ANKS1B: variants seen among roughly 807,000 people sequenced by gnomAD.
ANKS1B encodes ankyrin repeat and sterile alpha motif domain-containing protein 1B.
In ANKS1B, 36 loss-of-function variants were observed where a neutral mutation model predicts 148.3. That is an observed-to-expected ratio of 0.24 (90% CI 0.19 to 0.32). ANKS1B has a LOEUF of 0.32. Among genes scored for constraint, ANKS1B ranks in the 10% least tolerant of loss-of-function variants. ANKS1B has a pLI of 1.00. For missense variants in ANKS1B, 1,157 were observed against 1,542.6 expected (o/e 0.75, Z 4.19); for synonymous variants, 542 against 560.8 (o/e 0.97, Z 0.47).
At chr12:98,817,418 GCTT>G (rs1373089166) in intron 19 of ANKS1B, among the ~76,000 whole-genome samples, 1 of 152,218 alleles carries the variant, frequency 6.6e-6, no homozygotes, top group Non-Finnish European at 1.5e-5. Flanking sequence ...CCCCACAGTT[GCTT>G]CTTCTGTGGG....
At chr12:99,648,753 C>T (rs777258567) in intron 9 of ANKS1B, 2 of 1,613,504 alleles carry the variant, frequency 1.2e-6, no homozygotes, top group East Asian at 4.5e-5. Flanking sequence ...ACACATTGGA[C>T]TCATCTGTGT....
At chr12:99,374,949 A>T (rs1006555066) in intron 12 of ANKS1B, among the ~76,000 whole-genome samples, 1 of 152,198 alleles carries the variant, frequency 6.6e-6, no homozygotes, top group African/African-American at 2.4e-5. Flanking sequence ...TTGAATTTTT[A>T]AAAGTAAATT....
chr12:99,498,459 T>C (rs1040104023), intron 10 of ANKS1B, among the ~76,000 whole-genome samples: 1 of 152,154 alleles, frequency 6.6e-6, no homozygotes, highest in Admixed American at 6.5e-5. Context: ...ACCTTATTCA[T>C]CTATCTAACT....
chr12:98,798,022 C>G (rs1048797198), intron 22 of ANKS1B, among the ~76,000 whole-genome samples: 3 of 151,788 alleles, frequency 2.0e-5, no homozygotes, highest in Admixed American at 2.0e-4. Flanking sequence ...GGGACACGTA[C>G]AAAAGGAAAA....
At chr12:99,271,490 A>G (rs975018873) in intron 12 of ANKS1B, among the ~76,000 whole-genome samples, 1 of 151,832 alleles carries the variant, frequency 6.6e-6, no homozygotes, top group Non-Finnish European at 1.5e-5. Context: ...TTTTCTTTAC[A>G]TTAGTATCCC....
intron 14 of ANKS1B, among the ~76,000 whole-genome samples, chr12:99,165,823 G>A (rs1478331273): frequency 6.6e-6 from 1 of 151,852 alleles, no homozygotes; most frequent in Non-Finnish European, 1.5e-5. Flanking sequence ...AAGACATTAT[G>A]AGAAAAGAAA....
chr12:98,794,113 C>T (rs1225964817), intron 22 of ANKS1B, among the ~76,000 whole-genome samples: 1 of 152,106 alleles, frequency 6.6e-6, no homozygotes, highest in East Asian at 1.9e-4. Flanking sequence ...AATTCTTGGC[C>T]AGGCGCGGTG....
chr12:99,101,457 A>G (rs1184546952), intron 15 of ANKS1B, among the ~76,000 whole-genome samples: 3 of 152,234 alleles, frequency 2.0e-5, no homozygotes, highest in Non-Finnish European at 4.4e-5. Context: ...TTGGTAGAAG[A>G]CAAGTGTTAA....
chr12:99,217,101 G>A (rs1382283630), intron 14 of ANKS1B, among the ~76,000 whole-genome samples: 2 of 152,158 alleles, frequency 1.3e-5, no homozygotes, highest in Admixed American at 6.5e-5. Context: ...TTGGACCAAT[G>A]ACTCAGACTT....
chr12:99,704,895 A>G (rs1388908787), intron 8 of ANKS1B, among the ~76,000 whole-genome samples: 1 of 152,092 alleles, frequency 6.6e-6, no homozygotes, highest in East Asian at 1.9e-4. Context: ...AATGATAGAA[A>G]TATATTTGTA....
At chr12:99,179,112 G>GTGTGACT (rs2078778562) in intron 14 of ANKS1B, among the ~76,000 whole-genome samples, 1 of 152,136 alleles carries the variant, frequency 6.6e-6, no homozygotes, top group East Asian at 1.9e-4. Flanking sequence ...TGTGATGATA[G>GTGTGACT]AAAATGGGCT....
chr12:98,746,774 G>A (rs542576723), intron 26 of ANKS1B, among the ~76,000 whole-genome samples: 1 of 152,310 alleles, frequency 6.6e-6, no homozygotes, highest in African/African-American at 2.4e-5. Context: ...TAAATGGACA[G>A]CCGAAGGACC....
At chr12:99,085,390 A>T (rs1227839758) in intron 15 of ANKS1B, among the ~76,000 whole-genome samples, 5 of 151,976 alleles carry the variant, frequency 3.3e-5, no homozygotes, top group Non-Finnish European at 7.4e-5. Context: ...CCAAAAAAAA[A>T]AACTTTGTTT....
chr12:99,492,466 C>G (rs925024812), intron 10 of ANKS1B, among the ~76,000 whole-genome samples: 3 of 149,334 alleles, frequency 2.0e-5, no homozygotes, highest in African/African-American at 5.2e-5. Flanking sequence ...CAATTTCTAC[C>G]CAATATACAA....
At chr12:99,326,962 T>C (rs1460893504) in intron 12 of ANKS1B, among the ~76,000 whole-genome samples, 1 of 144,920 alleles carries the variant, frequency 6.9e-6, no homozygotes. Flanking sequence ...TCATAGAGTA[T>C]ATGTATACAA....
intron 10 of ANKS1B, among the ~76,000 whole-genome samples, chr12:99,465,434 A>ACATAACAGTATT (rs2096083924): frequency 6.6e-6 from 1 of 152,228 alleles, no homozygotes; most frequent in Admixed American, 6.5e-5. Flanking sequence ...TCAAATTCAA[A>ACATAACAGTATT]CATAACAGTA....
chr12:99,328,935 C>G (rs1422275722), intron 12 of ANKS1B, among the ~76,000 whole-genome samples: 4 of 151,730 alleles, frequency 2.6e-5, no homozygotes, highest in Non-Finnish European at 1.5e-5. Flanking sequence ...AAAATTCAGT[C>G]TAAGATGAGA....
At chr12:98,884,641 T>C (rs1310996547) in intron 17 of ANKS1B, among the ~76,000 whole-genome samples, 4 of 150,084 alleles carry the variant, frequency 2.7e-5, no homozygotes, top group Admixed American at 2.6e-4. Flanking sequence ...CTACTAAAAA[T>C]ACAAAAAATT....
chr12:99,433,746 A>G (rs1345213426), intron 11 of ANKS1B, among the ~76,000 whole-genome samples: 1 of 152,146 alleles, frequency 6.6e-6, no homozygotes, highest in Non-Finnish European at 1.5e-5. Context: ...AATAATCAGC[A>G]CATAAACAGC....
Sources: gnomAD v4.1 joint callset for allele counts (sites outside exome capture counted in the v4.1 genomes callset) on GRCh38, gnomAD v4.1.1 for gene constraint, MANE v1.5 for transcripts, NCBI Gene and HGNC (gene_info 2026-07-23, HGNC 2026-07-21) for gene names.